The following ATM variants were observed in gnomAD, a reference collection of about 807,000 sequenced individuals.
The protein encoded by ATM is ATM serine/threonine kinase, also known as serine-protein kinase ATM.
Under a neutral mutation model 387.0 loss-of-function variants are expected in ATM, and 308 were observed. The ratio of observed to expected loss-of-function variants is 0.80; its 90% CI spans 0.73 to 0.87. The LOEUF (loss-of-function observed/expected upper bound fraction) is 0.87. Ranked by LOEUF, ATM falls within the 40% of genes least tolerant of loss-of-function variation. The probability of loss-of-function intolerance (pLI) is 0.00; values close to 1 mark genes in which losing one functional copy is unlikely to be tolerated. For missense variants in ATM, 3,312 were observed against 3,560.9 expected (o/e 0.93, Z 1.78); for synonymous variants, 1,156 against 1,187.3 (o/e 0.97, Z 0.54).
In ATM at chr11:108,253,816, A is replaced by T. The variant is rs1555073069; in HGVS notation, c.1901A>T (p.Glu634Val). The change falls in exon 13 of 63, where the codon GAA becomes GTA. Residue 634 changes from glutamate (E) to valine (V), a missense_variant and splice_region_variant. Glu to Val is a moderately radical substitution (Grantham distance 121). Around this residue, in one of 4 missense-constraint regions of ATM, gnomAD observed 1,791 missense variants for 1,804.5 expected, o/e 0.99. Coordinates refer to ENST00000675843, the MANE Select transcript of ATM (RefSeq NM_000051.4). ...TTAAAGATCTTACTTTCTTGAAGTG[A>T]ACACCACCAAAAAGATAAAGAAGAA... ...MNFFQSVPEC[E>V]HHQKDKEELS... The T allele has an allele frequency of 6.2e-7, 1 of 1,612,626 alleles. No individual in the cohort carries two copies. Among genetic ancestry groups the T allele is most frequent in the African/African-American group, 1.3e-5 (1 of 75,026 alleles).
chr11:108,331,493 A>G lies in ATM; in HGVS notation c.7565A>G (p.Gln2522Arg), dbSNP rs1555124039. 1 of 1,613,576 alleles carries G rather than the reference A, an allele frequency of 6.2e-7. No individual in the cohort carries two copies. Among genetic ancestry groups the G allele is most frequent in the Non-Finnish European group, 8.5e-7 (1 of 1,179,782 alleles). ...TATAAATTTTTGCCTCTTATGTACCAATTGGCTGCTAGAATGGGGACCAAG... is the reference window on the plus strand; with the variant it reads ...TATAAATTTTTGCCTCTTATGTACCGATTGGCTGCTAGAATGGGGACCAAG... ...PTYKFLPLMY[Q>R]LAARMGTKMM... Residue 2522 changes from glutamine (Q) to arginine (R), a missense_variant, in exon 51 of 63, where the codon CAA becomes CGA. This residue lies in a region of ATM where 1,405 missense variants were observed against 1,604.4 expected (regional missense o/e 0.88). Coordinates refer to ENST00000675843, the MANE Select transcript of ATM (RefSeq NM_000051.4).
chr11:108,326,988 G>A (rs1203661402), intron 47 of ATM, among the ~76,000 whole-genome samples: 1 of 152,118 alleles, frequency 6.6e-6, no homozygotes, highest in Non-Finnish European at 1.5e-5. Context: ...ACCATGCCCA[G>A]CTAATTTTTT....
At chr11:108,327,009 G>A (rs1490222312) in intron 47 of ATM, among the ~76,000 whole-genome samples, 1 of 152,060 alleles carries the variant, frequency 6.6e-6, no homozygotes, top group Non-Finnish European at 1.5e-5. Context: ...TGTATTTTTA[G>A]TAGAGATGGG....
At chr11:108,235,461 A>G (rs566551040) in intron 4 of ATM, among the ~76,000 whole-genome samples, 1 of 152,164 alleles carries the variant, frequency 6.6e-6, no homozygotes, top group Non-Finnish European at 1.5e-5. Context: ...TAAGTAAATG[A>G]ATGGTTGTGA....
chr11:108,263,826 A>T (rs1261407286), intron 16 of ATM, among the ~76,000 whole-genome samples: 1 of 151,282 alleles, frequency 6.6e-6, no homozygotes, highest in Non-Finnish European at 1.5e-5. Context: ...AGCAATACAA[A>T]CTACCATCAG....
At chr11:108,342,288 T>C (rs2087680260) in intron 56 of ATM, among the ~76,000 whole-genome samples, 1 of 152,214 alleles carries the variant, frequency 6.6e-6, no homozygotes, top group African/African-American at 2.4e-5. Context: ...AATGTAAATG[T>C]TAATATGCAG....
rs372334891 is a variant in ATM at position 108,251,951 on chromosome 11, A to G, written c.1722A>G (p.Glu574=). The G allele has an allele frequency of 3.7e-6, 6 of 1,613,726 alleles. No homozygotes were observed. Among genetic ancestry groups the G allele is most frequent in the Non-Finnish European group, 5.1e-6 (6 of 1,179,744 alleles). ...CEVNRSFSLK[E]SIMKWLLFYQ... ...TAAATAGAAGCTTTTCTTTAAAGGA[A>G]TCAATAATGAAATGGCTCTTATTCT... Residue 574 remains glutamate, a synonymous_variant, in exon 11 of 63, where the codon GAA becomes GAG. Transcript: ENST00000675843.
At chr11:108,311,934 T>G (rs928749741) in intron 39 of ATM, among the ~76,000 whole-genome samples, 3 of 152,200 alleles carry the variant, frequency 2.0e-5, no homozygotes, top group Admixed American at 1.3e-4. Context: ...TGTCAAACTT[T>G]CTAGTTTTAT....
chr11:108,321,262 T>G, intron 44 of ATM, 39 bp from the exon 45 acceptor site: 1 of 1,609,760 alleles, frequency 6.2e-7, no homozygotes, highest in South Asian at 1.1e-5. Flanking sequence ...TGAAAACCTC[T>G]TCTTTATTTT....
chr11:108,236,059 A>T, intron 5 of ATM: 4 of 535,962 alleles, frequency 7.5e-6, no homozygotes, highest in South Asian at 4.1e-5. Context: ...CAGAGCCGGA[A>T]TTACAGTTGA....
chr11:108,325,691 A>G (rs926507153), intron 46 of ATM, 147 bp downstream of exon 46: 18 of 788,426 alleles, frequency 2.3e-5, no homozygotes, highest in Non-Finnish European at 3.5e-5. Context: ...AAGAGTTCCC[A>G]TTTTGGAATT....
chr11:108,263,327 A>G (rs1208308024), intron 16 of ATM, among the ~76,000 whole-genome samples: 1 of 141,860 alleles, frequency 7.0e-6, no homozygotes, highest in African/African-American at 2.7e-5. Context: ...CAGGATTAAG[A>G]ATCTCACTCA....
chr11:108,251,688 A>T, intron 10 of ATM, 149 bp from the exon 11 acceptor site: 1 of 771,042 alleles, frequency 1.3e-6, no homozygotes, highest in Non-Finnish European at 2.2e-6. Context: ...TTTAATCAAG[A>T]ATCTTCCCAA....
At chr11:108,251,168 C>A in intron 10 of ATM, 96 bp downstream of exon 10, 1 of 1,540,412 alleles carries the variant, frequency 6.5e-7, no homozygotes, top group Non-Finnish European at 8.9e-7. Flanking sequence ...TTTGTTACTT[C>A]AGTTAAAGAT....
intron 58 of ATM, among the ~76,000 whole-genome samples, chr11:108,346,799 G>C (rs962291406): frequency 1.4e-4 from 21 of 151,850 alleles, no homozygotes; most frequent in African/African-American, 4.8e-4. Flanking sequence ...GCAGTTTTTT[G>C]GGGGGATACA....
Position 108,289,761 on chromosome 11 carries a change from C to G in ATM, c.4396C>G (p.Arg1466Gly), listed in dbSNP as rs730881369. The G allele has an allele frequency of 6.2e-6, 10 of 1,613,282 alleles. No individual in the cohort carries two copies. The highest frequency in any genetic ancestry group is 1.7e-5 in the Admixed American group (1 of 59,974). ...AGGAGGAGCTTGGGCCTTTGTTCTT[C>G]GAGACGTTATTTATACTTTGATTCA... Reference protein sequence around the residue: ...GLGGAWAFVLRDVIYTLIHYI... With the variant: ...GLGGAWAFVLGDVIYTLIHYI... The change falls in exon 29 of 63, where the codon CGA becomes GGA. Residue 1466 changes from arginine to glycine, a missense_variant. Physicochemically the swap from Arg to Gly is moderately radical, Grantham distance 125 (BLOSUM62 -2). Around this residue, in one of 4 missense-constraint regions of ATM, gnomAD observed 1,791 missense variants for 1,804.5 expected, o/e 0.99. Transcript: ENST00000675843.
rs1022763818 is a variant in ATM, at chr11:108,256,371, A to C, written c.2250+31A>C. 6 of 1,589,514 alleles carry C rather than the reference A, an allele frequency of 3.8e-6. No homozygotes were observed. The African/African-American group carries it at 8.1e-5, about 21-fold the overall frequency. On this transcript the variant is annotated intron_variant, in intron 14 of 62. Transcript: ENST00000675843. ...AGAATTTATACTAATAAAGTTTCGG[A>C]TAAATTTGAATGAAATGTATTCCTG...
chr11:108,240,817 C>T (rs2079519970), intron 5 of ATM, among the ~76,000 whole-genome samples: 1 of 152,088 alleles, frequency 6.6e-6, no homozygotes, highest in Non-Finnish European at 1.5e-5. Context: ...TTATTCTGTA[C>T]CAAATTTAAA....
At position 108,369,034 on chromosome 11, in the gene ATM, G is replaced by A. The variant is rs1031665809; in HGVS notation, c.*3526G>A. 1 of 177,990 alleles carries A rather than the reference G, an allele frequency of 5.6e-6. No homozygotes were observed. The highest frequency in any genetic ancestry group is 1.2e-5 in the Non-Finnish European group (1 of 82,996). 11.0% of individuals were successfully genotyped at this position (177,990 alleles called of 1,614,324 possible). On this transcript the variant is annotated 3_prime_UTR_variant, in exon 63 of 63. Coordinates refer to ENST00000675843, the MANE Select transcript of ATM (RefSeq NM_000051.4). ...ATTTTCTATAGATTTTAGTACTATT[G>A]AATGTATTACTTTACTGTTACCTGA... is the stretch of plus-strand genomic sequence containing the variant.
Sources: gnomAD v4.1 joint callset for allele counts (sites outside exome capture counted in the v4.1 genomes callset) on GRCh38, gnomAD v4.1.1 for gene constraint, gnomAD v4.1.1 regional missense constraint, MANE v1.5 for transcripts, NCBI Gene and HGNC (gene_info 2026-07-23, HGNC 2026-07-21) for gene names.